Variants in LRRIQ3 observed in about 807,000 individuals in gnomAD.
The protein encoded by LRRIQ3 is leucine-rich repeat and IQ domain-containing protein 3.
A neutral mutation model predicts 59.3 loss-of-function variants in LRRIQ3; 75 were observed. That is an observed-to-expected ratio of 1.26 (90% confidence interval 1.05 to 1.53). The LOEUF (loss-of-function observed/expected upper bound fraction) is 1.53. LRRIQ3 is among the 40% of genes most tolerant of loss of function. The pLI, the probability that LRRIQ3 is intolerant of heterozygous loss-of-function variation, is 0.00. For missense variants in LRRIQ3, 831 were observed against 710.0 expected, an observed-to-expected ratio of 1.17 and a Z score of -1.94; for synonymous variants, 250 against 231.3, an observed-to-expected ratio of 1.08 and a Z score of -0.73.
Position 74,101,694 on chromosome 1 carries a change from T to C in LRRIQ3, c.867+7700A>G, listed in dbSNP as rs373523548. 2.0e-5 allele frequency among the ~76,000 whole-genome samples: 3 copies of C among 151,892 alleles called. No individual in the cohort carries two copies. The East Asian group carries it at 5.8e-4, about 29-fold the overall frequency. On this transcript the variant is annotated intron_variant, in intron 5 of 7. Transcript: ENST00000354431. The stretch of plus-strand genomic sequence containing the variant: ...ACAATGATAGACTAGATTAAGAAAA[T>C]GTGGCACATATACACCATGGAATAC...
intron 4 of LRRIQ3, among the ~76,000 whole-genome samples, chr1:74,121,426 A>G (rs2100586846): frequency 6.6e-6 from 1 of 152,258 alleles, no homozygotes; most frequent in Non-Finnish European, 1.5e-5. Flanking sequence ...GCTTGCGCTG[A>G]CTGCTGAACC....
At chr1:74,067,550 T>C (rs1013603952) in intron 6 of LRRIQ3, among the ~76,000 whole-genome samples, 1 of 152,146 alleles carries the variant, frequency 6.6e-6, no homozygotes. Flanking sequence ...TCTCTGGTAA[T>C]CCTTCTCTGT....
At chr1:74,055,127 ACATACATACACATG>A (rs1570038091) in intron 6 of LRRIQ3, among the ~76,000 whole-genome samples, 1 of 144,942 alleles carries the variant, frequency 6.9e-6, no homozygotes, top group South Asian at 2.3e-4. Flanking sequence ...ACATGTATGC[ACATACATACACATG>A]CATACATACA....
At chr1:74,096,416 C>T (rs967268925) in intron 5 of LRRIQ3, among the ~76,000 whole-genome samples, 3 of 152,026 alleles carry the variant, frequency 2.0e-5, no homozygotes, top group South Asian at 2.1e-4. Context: ...TCTTACAAAA[C>T]TGGACCAATT....
intron 5 of LRRIQ3, chr1:74,082,600 A>C (rs189388273): frequency 2.8e-4 from 43 of 151,718 alleles, no homozygotes; most frequent in African/African-American, 1.0e-3. Context: ...GGACTTGCCA[A>C]TATTTTATTA....
At chr1:74,069,488 T>TA (rs200846607) in intron 6 of LRRIQ3, among the ~76,000 whole-genome samples, 5,175 of 151,580 alleles carry the variant, frequency 0.034, 304 homozygotes, top group African/African-American at 0.12. Context: ...TAGAGAAAAA[T>TA]AAAAAAAATT....
intron 3 of LRRIQ3, among the ~76,000 whole-genome samples, chr1:74,170,190 TA>T (rs1649236557): frequency 6.6e-6 from 1 of 152,162 alleles, no homozygotes; most frequent in African/African-American, 2.4e-5. Flanking sequence ...GATGTAGTCT[TA>T]ATGGACTGTT....
intron 4 of LRRIQ3, among the ~76,000 whole-genome samples, chr1:74,121,037 A>G (rs749857033): frequency 2.6e-4 from 40 of 152,134 alleles, no homozygotes; most frequent in Non-Finnish European, 5.4e-4. Flanking sequence ...AATTGTACCA[A>G]CCTTATAAAA....
At chr1:74,196,761 T>A (rs1425318777) in intron 1 of LRRIQ3, among the ~76,000 whole-genome samples, 3 of 152,156 alleles carry the variant, frequency 2.0e-5, no homozygotes, top group Admixed American at 2.0e-4. Context: ...TCTGACCAAC[T>A]TCTCACCATT....
intron 5 of LRRIQ3, among the ~76,000 whole-genome samples, chr1:74,086,780 T>C (rs1011180382): frequency 2.0e-5 from 3 of 152,042 alleles, no homozygotes; most frequent in African/African-American, 4.8e-5. Flanking sequence ...CAGGTAATAA[T>C]GGACAAAAGA....
At chr1:74,149,206 T>C (rs930776526) in intron 4 of LRRIQ3, among the ~76,000 whole-genome samples, 2 of 152,226 alleles carry the variant, frequency 1.3e-5, no homozygotes, top group African/African-American at 4.8e-5. Flanking sequence ...CAAAATAATA[T>C]GTAAAGTGTT....
chr1:74,118,630 C>T (rs866043464), intron 4 of LRRIQ3, among the ~76,000 whole-genome samples: 5 of 151,586 alleles, frequency 3.3e-5, no homozygotes, highest in South Asian at 4.2e-4. Context: ...TTATTGCTGG[C>T]GTAAGAGTGT....
intron 1 of LRRIQ3, among the ~76,000 whole-genome samples, chr1:74,195,770 C>T (rs371552626): frequency 2.5e-4 from 38 of 152,204 alleles, no homozygotes; most frequent in African/African-American, 8.2e-4. Flanking sequence ...TACAGCTTGG[C>T]TGGATTGATA....
At chr1:74,182,491 C>A in intron 3 of LRRIQ3, 47 bp downstream of exon 3, 2 of 1,249,410 alleles carry the variant, frequency 1.6e-6, no homozygotes, top group Non-Finnish European at 1.1e-6. Context: ...GCTAAAATTT[C>A]CCTTTTATAC....
chr1:74,128,874 C>T (rs748810895), intron 4 of LRRIQ3, among the ~76,000 whole-genome samples: 19 of 152,052 alleles, frequency 1.2e-4, no homozygotes, highest in Non-Finnish European at 2.5e-4. Context: ...ACAGGTACTT[C>T]CACGAAATTC....
At chr1:74,034,809 T>A (rs757321639) in intron 7 of LRRIQ3, among the ~76,000 whole-genome samples, 2 of 150,840 alleles carry the variant, frequency 1.3e-5, no homozygotes, top group Admixed American at 1.3e-4. Context: ...TGCTTTTTTT[T>A]ATTTAAAACT....
chr1:74,150,932 AT>A (rs911030241), intron 4 of LRRIQ3, among the ~76,000 whole-genome samples: 8 of 151,050 alleles, frequency 5.3e-5, no homozygotes, highest in South Asian at 2.1e-4. Context: ...AGAAATAAAT[AT>A]TTATTTAATA....
intron 5 of LRRIQ3, among the ~76,000 whole-genome samples, chr1:74,080,473 C>T (rs1184465493): frequency 2.6e-5 from 4 of 151,536 alleles, no homozygotes; most frequent in Non-Finnish European, 5.9e-5. Context: ...AATTAAGGAG[C>T]GGTAGCAGTG....
intron 5 of LRRIQ3, among the ~76,000 whole-genome samples, chr1:74,089,011 G>A (rs930702761): frequency 1.3e-5 from 2 of 151,988 alleles, no homozygotes; most frequent in Non-Finnish European, 2.9e-5. Context: ...GATTTAAATA[G>A]ACAGTTCTCC....
Sources: allele counts gnomAD v4.1 joint callset (sites outside exome capture counted in the v4.1 genomes callset), GRCh38; gene constraint gnomAD v4.1.1; transcripts MANE v1.5; gene names NCBI Gene and HGNC (gene_info 2026-07-23, HGNC 2026-07-21).